The following LEKR1 variants were observed in gnomAD, a reference collection of about 807,000 sequenced individuals.
LEKR1 encodes the protein leucine, glutamate and lysine rich 1, also known as protein LEKR1.
Under a neutral mutation model 72.4 loss-of-function variants are expected in LEKR1, and 59 were observed. That is an observed-to-expected ratio of 0.82 (90% CI 0.66 to 1.01). The LOEUF (loss-of-function observed/expected upper bound fraction) is 1.01. Ranked by LOEUF, LEKR1 falls within the 50% of genes least tolerant of loss-of-function variation. LEKR1 has a pLI of 0.00. For missense variants in LEKR1, 728 were observed against 759.2 expected (o/e 0.96, Z 0.48); for synonymous variants, 257 against 263.2 (o/e 0.98, Z 0.23).
intron 3 of LEKR1, among the ~76,000 whole-genome samples, chr3:156,902,544 G>A (rs1214816490): frequency 1.3e-5 from 2 of 152,052 alleles, no homozygotes; most frequent in Non-Finnish European, 2.9e-5. Flanking sequence ...AAAGATCACT[G>A]AAGACATCCT....
At chr3:156,890,428 C>T (rs924297036) in intron 3 of LEKR1, among the ~76,000 whole-genome samples, 8 of 151,956 alleles carry the variant, frequency 5.3e-5, no homozygotes, top group East Asian at 1.9e-4. Flanking sequence ...CATTTAAGTA[C>T]GTATAATTGA....
chr3:156,932,132 T>C (rs941874825), intron 5 of LEKR1, among the ~76,000 whole-genome samples: 2 of 152,182 alleles, frequency 1.3e-5, no homozygotes, highest in African/African-American at 2.4e-5. Flanking sequence ...TATATAGTTA[T>C]GTGACAAAGA....
At chr3:156,833,967 C>T (rs1490373103) in intron 2 of LEKR1, among the ~76,000 whole-genome samples, 5 of 149,538 alleles carry the variant, frequency 3.3e-5, no homozygotes, top group Non-Finnish European at 7.4e-5. Context: ...CTCAGTATTA[C>T]AAAAAAACTT....
chr3:156,969,743 A>G (rs1728986147), intron 6 of LEKR1, among the ~76,000 whole-genome samples: 1 of 152,222 alleles, frequency 6.6e-6, no homozygotes, highest in Non-Finnish European at 1.5e-5. Flanking sequence ...ATCAATAGCA[A>G]AAGAGGGAAT....
chr3:156,852,536 C>T (rs1715490252), intron 2 of LEKR1, among the ~76,000 whole-genome samples: 1 of 151,864 alleles, frequency 6.6e-6, no homozygotes, highest in South Asian at 2.1e-4. Flanking sequence ...TTAGAGATAC[C>T]ATGGAGAAAC....
At chr3:156,854,885 A>G (rs776743316) in intron 3 of LEKR1, among the ~76,000 whole-genome samples, 2 of 152,008 alleles carry the variant, frequency 1.3e-5, no homozygotes, top group Non-Finnish European at 1.5e-5. Flanking sequence ...TTATATCTTT[A>G]TCTTTTAATA....
At chr3:156,958,697 C>T (rs568200689) in intron 6 of LEKR1, among the ~76,000 whole-genome samples, 15 of 152,284 alleles carry the variant, frequency 9.9e-5, no homozygotes, top group South Asian at 4.1e-4. Context: ...ATCTCCCACA[C>T]GCCAGCCAAC....
chr3:156,917,322 C>T (rs982842349), intron 3 of LEKR1, among the ~76,000 whole-genome samples: 3 of 152,060 alleles, frequency 2.0e-5, no homozygotes, highest in Non-Finnish European at 4.4e-5. Flanking sequence ...GACAGGAAAG[C>T]ATCATTCTCC....
chr3:156,988,842 GT>G, intron 7 of LEKR1: 1 of 152,970 alleles, frequency 6.5e-6, no homozygotes, highest in Non-Finnish European at 1.5e-5. Flanking sequence ...GGTTGTTTTT[GT>G]TTTTTTGAGA....
chr3:157,039,095 A>C (rs1266058435), intron 12 of LEKR1, among the ~76,000 whole-genome samples: 1 of 152,230 alleles, frequency 6.6e-6, no homozygotes, highest in Non-Finnish European at 1.5e-5. Flanking sequence ...AAAGGAAAGT[A>C]CATGTGTATC....
chr3:156,937,354 A>G (rs1442988452), intron 5 of LEKR1, among the ~76,000 whole-genome samples: 1 of 152,244 alleles, frequency 6.6e-6, no homozygotes, highest in East Asian at 1.9e-4. Context: ...GTTAGAAAAT[A>G]GGCAAAAGAT....
At chr3:156,845,517 T>C (rs1714476689) in intron 2 of LEKR1, among the ~76,000 whole-genome samples, 3 of 151,518 alleles carry the variant, frequency 2.0e-5, no homozygotes, top group Admixed American at 2.0e-4. Flanking sequence ...ATATGTGAGG[T>C]TTAGGTTGAG....
At chr3:156,969,802 T>G (rs1243182531) in intron 6 of LEKR1, among the ~76,000 whole-genome samples, 1 of 152,146 alleles carries the variant, frequency 6.6e-6, no homozygotes, top group Admixed American at 6.6e-5. Flanking sequence ...TACCAAAGCC[T>G]GGCAGAGACA....
chr3:157,000,451 A>C (rs550964784), intron 9 of LEKR1, among the ~76,000 whole-genome samples: 2 of 152,194 alleles, frequency 1.3e-5, no homozygotes, highest in African/African-American at 4.8e-5. Flanking sequence ...TTAGGTAAAC[A>C]TAGAGTAAAT....
chr3:156,889,799 C>T (rs1450606807), intron 3 of LEKR1, among the ~76,000 whole-genome samples: 6 of 152,012 alleles, frequency 3.9e-5, no homozygotes, highest in Admixed American at 6.5e-5. Context: ...TAAATCAAGG[C>T]GGAATTCAAA....
chr3:156,970,965 T>C (rs563706949), intron 6 of LEKR1, among the ~76,000 whole-genome samples: 3 of 151,812 alleles, frequency 2.0e-5, no homozygotes, highest in Non-Finnish European at 4.4e-5. Flanking sequence ...CCAATGACTT[T>C]CTTCACAGAA....
intron 3 of LEKR1, among the ~76,000 whole-genome samples, chr3:156,889,710 T>C (rs1720464014): frequency 6.6e-6 from 1 of 152,234 alleles, no homozygotes; most frequent in Non-Finnish European, 1.5e-5. Context: ...TTTGTGGTTT[T>C]TAGCTGCTAC....
At chr3:156,960,486 A>T (rs532017534) in intron 6 of LEKR1, among the ~76,000 whole-genome samples, 1 of 152,124 alleles carries the variant, frequency 6.6e-6, no homozygotes, top group Non-Finnish European at 1.5e-5. Context: ...GGGTTTCACC[A>T]TGTTGGCCAG....
intron 6 of LEKR1, among the ~76,000 whole-genome samples, chr3:156,972,731 A>G (rs1158211806): frequency 6.6e-6 from 1 of 150,758 alleles, no homozygotes. Flanking sequence ...TAATTTAAAT[A>G]AACTTAATTT....
Sources: gnomAD v4.1 joint callset for allele counts (sites outside exome capture counted in the v4.1 genomes callset) on GRCh38, gnomAD v4.1.1 for gene constraint, MANE v1.5 for transcripts, NCBI Gene and HGNC (gene_info 2026-07-23, HGNC 2026-07-21) for gene names.